Variants in TFG observed in about 807,000 individuals in gnomAD.
The protein encoded by TFG is protein TFG.
TFG carries 22 observed loss-of-function variants against 51.4 expected under a neutral mutation model. The observed-to-expected ratio is 0.43, with a 90% CI of 0.31 to 0.61. The LOEUF (loss-of-function observed/expected upper bound fraction) is 0.61, where lower values mean the gene tolerates loss of function less well. Ranked by LOEUF, TFG falls within the 20% of genes least tolerant of loss-of-function variation. The pLI, the probability that TFG is intolerant of heterozygous loss-of-function variation, is 0.12. For synonymous variants in TFG, 187 were observed against 165.6 expected, an observed-to-expected ratio of 1.13 and a Z score of -0.99; for missense variants, 419 against 487.7, an observed-to-expected ratio of 0.86 and a Z score of 1.33.
chr3:100,739,316 T>C (rs192488141), intron 6 of TFG, among the ~76,000 whole-genome samples: 49 of 152,298 alleles, frequency 3.2e-4, no homozygotes, highest in Admixed American at 1.3e-3. Context: ...ACTTTGGAAC[T>C]GTGAATTTTA....
chr3:100,740,385 C>T (rs35446602), intron 6 of TFG, among the ~76,000 whole-genome samples: 4,693 of 152,170 alleles, frequency 0.031, 106 homozygotes, highest in Non-Finnish European at 0.044. Flanking sequence ...TGGACTTCTC[C>T]ATGGGGCTGC....
intron 2 of TFG, among the ~76,000 whole-genome samples, chr3:100,716,672 C>T (rs62274025): frequency 0.027 from 4,128 of 152,200 alleles, 97 homozygotes; most frequent in Non-Finnish European, 0.038. Context: ...TGTAAGAGTT[C>T]CCTTTTCTCT....
rs1051690212 is a variant in TFG at position 100,744,874 on chromosome 3, G to A, written c.763G>A (p.Ala255Thr). Residue 255 changes from alanine to threonine, a missense_variant, in exon 7 of 8, where the codon GCA becomes ACA. Around this residue, in one of 3 missense-constraint regions of TFG, gnomAD observed 391 missense variants for 434.4 expected, o/e 0.90. Coordinates refer to ENST00000240851, the MANE Select transcript of TFG (RefSeq NM_006070.6). ...QQYQQQAGYG[A>T]QQPQAPPQQP... Reference sequence around the variant, plus strand: ...GTACCAGCAACAGGCCGGCTATGGTGCACAGCAGCCGCAGGCTCCACCTCA... The same window carrying A: ...GTACCAGCAACAGGCCGGCTATGGTACACAGCAGCCGCAGGCTCCACCTCA... 1 of 1,613,614 alleles carries A rather than the reference G, an allele frequency of 6.2e-7. No homozygotes were observed. The highest frequency in any genetic ancestry group is 8.5e-7 in the Non-Finnish European group (1 of 1,179,688).
At chr3:100,731,951 A>G (rs2095092779) in intron 4 of TFG, among the ~76,000 whole-genome samples, 1 of 152,236 alleles carries the variant, frequency 6.6e-6, no homozygotes, top group South Asian at 2.1e-4. Flanking sequence ...AGAAGGTAGC[A>G]AATTCAAAAA....
chr3:100,719,773 A>C (rs2095055698), intron 2 of TFG, among the ~76,000 whole-genome samples: 1 of 152,192 alleles, frequency 6.6e-6, no homozygotes, highest in South Asian at 2.1e-4. Flanking sequence ...CCTTGCCATA[A>C]GAGTAATAAG....
intron 7 of TFG, among the ~76,000 whole-genome samples, chr3:100,747,261 A>G (rs139051286): frequency 2.6e-5 from 4 of 151,802 alleles, no homozygotes; most frequent in Non-Finnish European, 4.4e-5. Flanking sequence ...TTCATGGACT[A>G]TGTCATAAAG....
chr3:100,737,028 T>G (rs1034496397), intron 6 of TFG, among the ~76,000 whole-genome samples: 4 of 152,214 alleles, frequency 2.6e-5, no homozygotes, highest in Non-Finnish European at 5.9e-5. Flanking sequence ...TCACACTTTA[T>G]TTTGTGTTAT....
chr3:100,748,227 C>G lies in TFG; in HGVS notation c.899C>G (p.Pro300Arg). The change falls in exon 8 of 8, where the codon CCA (proline) becomes CGA (arginine). Residue 300 changes from proline to arginine, a missense_variant. By Grantham distance (103) the Pro-to-Arg change is moderately radical (BLOSUM62 -2). Around this residue, in one of 3 missense-constraint regions of TFG, gnomAD observed 391 missense variants for 434.4 expected, o/e 0.90. Coordinates refer to ENST00000240851, the MANE Select transcript of TFG (RefSeq NM_006070.6). ...GYGQQPTSQA[P>R]APAFSGQPQQ... ...GGCCAGCAACCAACTTCCCAGGCACCAGCTCCTGCCTTTTCTGGTCAGCCT... is the reference window on the plus strand; with the variant it reads ...GGCCAGCAACCAACTTCCCAGGCACGAGCTCCTGCCTTTTCTGGTCAGCCT... The G allele has an allele frequency of 6.2e-7, 1 of 1,614,122 alleles. No homozygotes were observed. The highest frequency in any genetic ancestry group is 8.5e-7 in the Non-Finnish European group (1 of 1,179,994).
intron 4 of TFG, among the ~76,000 whole-genome samples, chr3:100,729,193 A>G (rs924244013): frequency 2.6e-5 from 4 of 152,160 alleles, no homozygotes; most frequent in African/African-American, 9.7e-5. Flanking sequence ...AATCCTTTTG[A>G]CACATGAACC....
At chr3:100,734,703 AT>A (rs2095101823) in intron 5 of TFG, among the ~76,000 whole-genome samples, 1 of 152,126 alleles carries the variant, frequency 6.6e-6, no homozygotes, top group South Asian at 2.1e-4. Flanking sequence ...TGTACAGTCC[AT>A]TTTGTATTTC....
intron 2 of TFG, 73 bp downstream of exon 2, chr3:100,713,942 C>T: frequency 9.6e-7 from 1 of 1,039,224 alleles, no homozygotes; most frequent in Non-Finnish European, 1.3e-6. Flanking sequence ...CCTCTGTTGC[C>T]CAGGCTGGAG....
chr3:100,719,465 A>G (rs2095054963), intron 2 of TFG, among the ~76,000 whole-genome samples: 1 of 152,144 alleles, frequency 6.6e-6, no homozygotes, highest in Non-Finnish European at 1.5e-5. Flanking sequence ...GGGAGAGTTG[A>G]TTGTTTTCAT....
intron 5 of TFG, among the ~76,000 whole-genome samples, chr3:100,734,132 G>A (rs2095099725): frequency 6.6e-6 from 1 of 150,986 alleles, no homozygotes; most frequent in Non-Finnish European, 1.5e-5. Flanking sequence ...TTTTGTGATA[G>A]TTTTTGCAAG....
intron 1 of TFG, among the ~76,000 whole-genome samples, chr3:100,712,353 G>A (rs1191620402): frequency 1.3e-5 from 2 of 152,198 alleles, no homozygotes; most frequent in African/African-American, 4.8e-5. Context: ...AAGAATAATT[G>A]CAGAGAAGTG....
chr3:100,727,492 G>GT (rs1394976412), intron 3 of TFG, among the ~76,000 whole-genome samples: 2 of 152,154 alleles, frequency 1.3e-5, no homozygotes, highest in Non-Finnish European at 2.9e-5. Context: ...TCAGGAGTTT[G>GT]TATGTATGTA....
At chr3:100,736,333 G>A (rs547343695) in intron 5 of TFG, among the ~76,000 whole-genome samples, 2 of 152,138 alleles carry the variant, frequency 1.3e-5, no homozygotes, top group African/African-American at 4.8e-5. Context: ...TGCAGGGAGA[G>A]GTTAAGACTC....
intron 3 of TFG, among the ~76,000 whole-genome samples, chr3:100,720,503 G>A (rs1305049484): frequency 6.6e-6 from 1 of 152,200 alleles, no homozygotes; most frequent in Non-Finnish European, 1.5e-5. Flanking sequence ...TCTATGGAAG[G>A]GGGCAGGAGA....
At chr3:100,713,557 T>C in intron 1 of TFG, 86 bp from the exon 2 acceptor site, 1 of 532,068 alleles carries the variant, frequency 1.9e-6, no homozygotes, top group Non-Finnish European at 3.1e-6. Context: ...TTTTGGAGGC[T>C]AGAGTTTCTT....
intron 1 of TFG, among the ~76,000 whole-genome samples, chr3:100,711,848 T>C (rs985821571): frequency 9.2e-5 from 14 of 152,126 alleles, no homozygotes; most frequent in African/African-American, 2.9e-4. Context: ...AATTATACTT[T>C]AGAGTTGGCA....
Sources: gnomAD v4.1 joint callset for allele counts (sites outside exome capture counted in the v4.1 genomes callset) on GRCh38, gnomAD v4.1.1 for gene constraint, gnomAD v4.1.1 regional missense constraint, MANE v1.5 for transcripts, NCBI Gene and HGNC (gene_info 2026-07-23, HGNC 2026-07-21) for gene names.